The following ACACA variants were observed in gnomAD, a reference collection of about 807,000 sequenced individuals.
ACACA encodes the protein acetyl-CoA carboxylase alpha.
A neutral mutation model predicts 296.1 loss-of-function variants in ACACA; 103 were observed. The observed-to-expected ratio is 0.35, with a 90% CI of 0.30 to 0.41. ACACA has a LOEUF of 0.41. ACACA is among the 10% of genes least tolerant of loss of function. The probability of loss-of-function intolerance (pLI) is 1.00; values close to 1 mark genes in which losing one functional copy is unlikely to be tolerated. For synonymous variants in ACACA, 953 were observed against 1,038.6 expected (o/e 0.92, Z 1.58); for missense variants, 1,554 against 2,989.7 (o/e 0.52, Z 11.20).
At chr17:37,330,144 A>C (rs1410408809) in intron 3 of ACACA, 29 bp downstream of exon 3, 1 of 1,613,490 alleles carries the variant, frequency 6.2e-7, no homozygotes. Context: ...AGACAGATTA[A>C]ATAAGTAGAC....
chr17:37,197,386 C>A (rs1219993003), intron 35 of ACACA, among the ~76,000 whole-genome samples: 1 of 152,192 alleles, frequency 6.6e-6, no homozygotes, highest in Non-Finnish European at 1.5e-5. Context: ...TTCCTCCTCT[C>A]CTTGCTCCCT....
chr17:37,346,203 G>A (rs2048608195), intron 1 of ACACA, among the ~76,000 whole-genome samples: 1 of 151,936 alleles, frequency 6.6e-6, no homozygotes, highest in South Asian at 2.1e-4. Context: ...TGTAATCTCA[G>A]CTACTTGGGA....
chr17:37,271,496 CA>C (rs1243678832), intron 9 of ACACA, among the ~76,000 whole-genome samples: 1 of 151,906 alleles, frequency 6.6e-6, no homozygotes, highest in Non-Finnish European at 1.5e-5. Context: ...GCCTGGGCAA[CA>C]AGAGCGAAAC....
At chr17:37,176,605 A>G (rs1290487025) in intron 41 of ACACA, among the ~76,000 whole-genome samples, 1 of 152,122 alleles carries the variant, frequency 6.6e-6, no homozygotes, top group East Asian at 1.9e-4. Flanking sequence ...TTAAACCGCA[A>G]TAGCTGAAAG....
intron 55 of ACACA, 114 bp downstream of exon 55, chr17:37,088,822 CAA>C: frequency 7.3e-7 from 1 of 1,377,754 alleles, no homozygotes; most frequent in Non-Finnish European, 1.0e-6. Context: ...TCTCAAACAG[CAA>C]GAGACTGCAG....
chr17:37,358,142 G>A (rs1338564906), intron 1 of ACACA, among the ~76,000 whole-genome samples: 2 of 152,050 alleles, frequency 1.3e-5, no homozygotes, highest in Non-Finnish European at 2.9e-5. Context: ...TTTCTCCTGA[G>A]CAGTTATATT....
At chr17:37,381,269 T>G (rs539578555) in intron 1 of ACACA, among the ~76,000 whole-genome samples, 12 of 151,994 alleles carry the variant, frequency 7.9e-5, no homozygotes, top group Admixed American at 1.3e-4. Context: ...CACTGCAACC[T>G]CCTCCTCCCA....
chr17:37,154,387 TGC>T (rs1268144029), intron 43 of ACACA, among the ~76,000 whole-genome samples: 1 of 151,920 alleles, frequency 6.6e-6, no homozygotes, highest in Non-Finnish European at 1.5e-5. Flanking sequence ...TGAGAAAATT[TGC>T]CTCACTAGAA....
chr17:37,122,293 C>T (rs368872361), intron 49 of ACACA, among the ~76,000 whole-genome samples: 8 of 152,158 alleles, frequency 5.3e-5, no homozygotes, highest in South Asian at 2.1e-4. Context: ...CAAAAGTATA[C>T]GTTTTCTAGC....
chr17:37,290,233 C>T (rs1180016179), intron 3 of ACACA, among the ~76,000 whole-genome samples: 1 of 152,070 alleles, frequency 6.6e-6, no homozygotes, highest in African/African-American at 2.4e-5. Flanking sequence ...ATTTTTAGCA[C>T]AGACGGGGTT....
At chr17:37,335,227 T>G (rs1349211246) in intron 2 of ACACA, among the ~76,000 whole-genome samples, 2 of 152,100 alleles carry the variant, frequency 1.3e-5, no homozygotes, top group Admixed American at 1.3e-4. Context: ...CCCTACTAAC[T>G]GTTGGATGTG....
intron 33 of ACACA, among the ~76,000 whole-genome samples, chr17:37,203,241 T>G (rs2078351322): frequency 6.6e-6 from 1 of 151,950 alleles, no homozygotes. Flanking sequence ...ATTACAGGCG[T>G]GAGCCACTGC....
chr17:37,173,958 C>T (rs1371531668), intron 41 of ACACA, among the ~76,000 whole-genome samples: 4 of 124,702 alleles, frequency 3.2e-5, no homozygotes, highest in East Asian at 2.2e-4. Flanking sequence ...GGATTACAGG[C>T]GCCTGCCAAC....
rs765343770 is a variant in ACACA, at chr17:37,246,912, G to A, written c.2374C>T (p.Arg792Cys). 5.0e-6 allele frequency: 8 copies of A among 1,613,806 alleles called. No homozygotes were observed. The highest frequency in any genetic ancestry group is 6.8e-6 in the Non-Finnish European group (8 of 1,179,912). ...ATTAACTTCCCAGCAGAAGGTGAGC[G>A]CATCACCGATGGGTCATTTTCCTTC... is the stretch of plus-strand genomic sequence containing the variant. Reference protein sequence around the residue: ...FEKENDPSVMRSPSAGKLIQY... With the variant: ...FEKENDPSVMCSPSAGKLIQY... Residue 792 changes from arginine (R) to cysteine (C), a missense_variant, in exon 19 of 56, where the codon CGC becomes TGC. Around this residue, in one of 16 missense-constraint regions of ACACA, gnomAD observed 316 missense variants for 540.9 expected, o/e 0.58. Transcript: ENST00000616317.
At chr17:37,341,983 G>A (rs1156959600) in intron 1 of ACACA, among the ~76,000 whole-genome samples, 2 of 152,060 alleles carry the variant, frequency 1.3e-5, no homozygotes, top group Non-Finnish European at 1.5e-5. Flanking sequence ...GACCTTTGGG[G>A]AAGGCTCATA....
At chr17:37,242,720 G>A (rs577371148) in intron 22 of ACACA, among the ~76,000 whole-genome samples, 7 of 151,310 alleles carry the variant, frequency 4.6e-5, no homozygotes, top group African/African-American at 1.7e-4. Flanking sequence ...GACAGAGCAA[G>A]ACCCTGTCTC....
At chr17:37,401,048 T>G (rs2051267564) in intron 1 of ACACA, among the ~76,000 whole-genome samples, 1 of 152,194 alleles carries the variant, frequency 6.6e-6, no homozygotes, top group South Asian at 2.1e-4. Context: ...TTGCCAATGC[T>G]TATCTCGCTT....
chr17:37,308,967 C>T lies in ACACA; in HGVS notation c.338+21206G>A, dbSNP rs374171425. On this transcript the variant is annotated intron_variant, in intron 3 of 55. Coordinates refer to ENST00000616317, the MANE Select transcript of ACACA (RefSeq NM_198834.3). ...AAACTACTACTATTATCTTTTGTGACTGTTCCCAATCAGTCTTTATACCTC... is the reference window on the plus strand; with the variant it reads ...AAACTACTACTATTATCTTTTGTGATTGTTCCCAATCAGTCTTTATACCTC... 6.6e-5 allele frequency among the ~76,000 whole-genome samples: 10 copies of T among 152,104 alleles called. 1 individual carries two copies. The East Asian group carries it at 1.7e-3, about 26-fold the overall frequency.
intron 14 of ACACA, among the ~76,000 whole-genome samples, chr17:37,255,985 G>C (rs947475020): frequency 6.6e-6 from 1 of 152,110 alleles, no homozygotes; most frequent in Non-Finnish European, 1.5e-5. Flanking sequence ...GACCTTAAGT[G>C]ATCTGCCAGC....
Sources: gnomAD v4.1 joint callset for allele counts (sites outside exome capture counted in the v4.1 genomes callset) on GRCh38, gnomAD v4.1.1 for gene constraint, gnomAD v4.1.1 regional missense constraint, MANE v1.5 for transcripts, NCBI Gene and HGNC (gene_info 2026-07-23, HGNC 2026-07-21) for gene names.